RAPGEF4: variants seen among roughly 807,000 people sequenced by gnomAD.
The protein encoded by RAPGEF4 is Rap guanine nucleotide exchange factor 4.
A neutral mutation model predicts 147.9 loss-of-function variants in RAPGEF4; 66 were observed. The ratio of observed to expected loss-of-function variants is 0.45; its 90% CI spans 0.37 to 0.55. The LOEUF (loss-of-function observed/expected upper bound fraction) is 0.55, where lower values mean the gene tolerates loss of function less well. RAPGEF4 is among the 20% of genes least tolerant of loss of function. The pLI is 0.00. For synonymous variants in RAPGEF4, 419 were observed against 442.7 expected, an observed-to-expected ratio of 0.95 and a Z score of 0.67; for missense variants, 1,071 against 1,257.3, an observed-to-expected ratio of 0.85 and a Z score of 2.24.
chr2:172,821,575 A>G (rs895752570), intron 4 of RAPGEF4: 2 of 989,028 alleles, frequency 2.0e-6, no homozygotes, highest in African/African-American at 3.5e-5. Flanking sequence ...CTCTCTCCTC[A>G]CAGTTCTGAT....
intron 3 of RAPGEF4, among the ~76,000 whole-genome samples, chr2:172,813,659 A>C (rs1038091534): frequency 1.3e-5 from 2 of 152,038 alleles, no homozygotes; most frequent in Admixed American, 1.3e-4. Context: ...TTCTTATTTA[A>C]ATATTGTAAC....
intron 4 of RAPGEF4, among the ~76,000 whole-genome samples, chr2:172,908,371 G>A (rs1360576309): frequency 2.0e-5 from 3 of 152,194 alleles, no homozygotes; most frequent in Admixed American, 6.5e-5. Context: ...TGCACACCTC[G>A]GTTGTGAAGG....
At chr2:172,742,383 T>G (rs755981652) in intron 1 of RAPGEF4, among the ~76,000 whole-genome samples, 1 of 152,200 alleles carries the variant, frequency 6.6e-6, no homozygotes, top group Non-Finnish European at 1.5e-5. Context: ...TGTTGTTGTT[T>G]TTTTCAGTCT....
intron 10 of RAPGEF4, among the ~76,000 whole-genome samples, chr2:172,981,451 C>G (rs1691675933): frequency 1.3e-5 from 2 of 152,212 alleles, no homozygotes; most frequent in African/African-American, 2.4e-5. Flanking sequence ...TTTAGAGCCC[C>G]TGTGGCCACA....
intron 26 of RAPGEF4, among the ~76,000 whole-genome samples, chr2:173,033,231 G>A (rs181558790): frequency 6.6e-6 from 1 of 152,258 alleles, no homozygotes; most frequent in East Asian, 1.9e-4. Context: ...AAAGCATGGC[G>A]CATGTGAGAG....
chr2:173,001,991 G>A, intron 17 of RAPGEF4, among the ~76,000 whole-genome samples: 1 of 11,674 alleles, frequency 8.6e-5, no homozygotes, highest in African/African-American at 1.4e-4. Flanking sequence ...AGGTGATGCT[G>A]GCAAAAAAAA....
Position 172,735,960 on chromosome 2 carries a change from G to T in RAPGEF4, c.-24G>T. On this transcript the variant is annotated 5_prime_UTR_variant, in exon 1 of 31. Transcript: ENST00000397081. ...GAGCGCGGGAGGTCGCCGCAGCCAG[G>T]GACACCGCGCGCCGCCGCTCAACAT... The T allele has an allele frequency of 6.9e-7, 1 of 1,452,028 alleles. No homozygotes were observed. The allele number at this position is 1,452,028 out of a possible 1,614,324, so 89.9% of individuals were successfully genotyped here.
intron 22 of RAPGEF4, among the ~76,000 whole-genome samples, chr2:173,019,143 A>C (rs1695793501): frequency 6.6e-6 from 1 of 152,216 alleles, no homozygotes; most frequent in African/African-American, 2.4e-5. Context: ...CTAGCTGGAC[A>C]AGCTCAAGGC....
chr2:173,009,968 A>ATGC lies in RAPGEF4; in HGVS notation c.1659-4496_1659-4495insTGC, dbSNP rs1694852918. 2.6e-5 allele frequency among the ~76,000 whole-genome samples: 4 copies of ATGC among 152,352 alleles called. No individual in the cohort carries two copies. The South Asian group carries it at 8.3e-4, about 32-fold the overall frequency. ...TAATCTATGTTTGCATAAAGAAAGTAATGTTAACATCAGACAAAACACAAC... is the reference window on the plus strand; with the variant it reads ...TAATCTATGTTTGCATAAAGAAAGTATGCATGTTAACATCAGACAAAACACAAC... On this transcript the variant is annotated intron_variant, in intron 17 of 30. Coordinates refer to ENST00000397081, the MANE Select transcript of RAPGEF4 (RefSeq NM_007023.4).
chr2:172,936,018 A>G (rs1203193873), intron 6 of RAPGEF4, among the ~76,000 whole-genome samples: 1 of 152,190 alleles, frequency 6.6e-6, no homozygotes, highest in Admixed American at 6.5e-5. Flanking sequence ...GGTGGATTTT[A>G]AAAAATAATG....
rs575897964 is a variant in RAPGEF4, at chr2:172,759,906, G to A, written c.65+23858G>A. Among the ~76,000 whole-genome samples, 5 of 152,258 alleles carry A rather than the reference G, an allele frequency of 3.3e-5. No homozygotes were observed. In the South Asian group the frequency reaches 1.0e-3, roughly 32 times the overall value. ...AACAAACAAAGAAAGACTCTAAAAG[G>A]CAGAGAGAAAAGGCAGACTGGCTTG... On this transcript the variant is annotated intron_variant, in intron 1 of 30. Coordinates refer to ENST00000397081, the MANE Select transcript of RAPGEF4 (RefSeq NM_007023.4).
chr2:172,893,694 C>T (rs1298034821), intron 4 of RAPGEF4: 1 of 152,144 alleles, frequency 6.6e-6, no homozygotes, highest in Non-Finnish European at 1.5e-5. Flanking sequence ...CTTTCTTTGT[C>T]TTCTTTAGAA....
chr2:173,004,704 A>G (rs1427882532), intron 17 of RAPGEF4, among the ~76,000 whole-genome samples: 1 of 152,084 alleles, frequency 6.6e-6, no homozygotes, highest in Non-Finnish European at 1.5e-5. Flanking sequence ...TAATTACCAC[A>G]AAAGGAGAAG....
intron 5 of RAPGEF4, among the ~76,000 whole-genome samples, chr2:172,921,567 C>A (rs948986087): frequency 1.3e-5 from 2 of 152,212 alleles, no homozygotes; most frequent in African/African-American, 4.8e-5. Flanking sequence ...ATGCTTCTGT[C>A]TCCTCTGTAT....
rs1449717760 is a variant in RAPGEF4, at chr2:173,014,584, A to G, written c.1779A>G (p.Gln593=). The G allele has an allele frequency of 1.2e-6, 2 of 1,614,044 alleles. No homozygotes were observed. The highest frequency in any genetic ancestry group is 1.7e-6 in the Non-Finnish European group (2 of 1,179,938). ...CTGCCATGTATGGAGACCTCCTGCA[A>G]GAGGATGACGTGTCTATGGCCTTCC... The part of the protein sequence containing the change: ...QWAAMYGDLL[Q]EDDVSMAFLE... Residue 593 remains glutamine (Q), a synonymous_variant, in exon 18 of 31, where the codon CAA becomes CAG. Transcript: ENST00000397081.
rs1442110747 is a variant in RAPGEF4, at chr2:173,017,462, G to A, written c.1966G>A (p.Glu656Lys). 1.2e-6 allele frequency: 2 copies of A among 1,614,164 alleles called. No individual in the cohort carries two copies. The highest frequency in any genetic ancestry group is 1.1e-5 in the South Asian group (1 of 91,080). The change falls in exon 21 of 31, where the codon GAG (glutamate) becomes AAG (lysine). Residue 656 changes from glutamate (E) to lysine (K), a missense_variant. By Grantham distance (56) the Glu-to-Lys change is moderately conservative. Coordinates refer to ENST00000397081, the MANE Select transcript of RAPGEF4 (RefSeq NM_007023.4). ...VLLQQFNTGD[E>K]RAQKRQPIRG... ...TTTGCAACAGTTCAATACGGGCGAT[G>A]AGAGAGCCCAGAAGCGCCAGCCTAT... is the stretch of plus-strand genomic sequence containing the variant.
chr2:173,026,504 G>T (rs1696677264), intron 23 of RAPGEF4, 68 bp from the exon 24 acceptor site: 2 of 1,508,336 alleles, frequency 1.3e-6, no homozygotes, highest in Non-Finnish European at 1.8e-6. Flanking sequence ...AGAAACTCCT[G>T]AAAGCTTTTA....
chr2:172,758,590 G>T (rs72902250), intron 1 of RAPGEF4, among the ~76,000 whole-genome samples: 15,808 of 152,188 alleles, frequency 0.1, 853 homozygotes, highest in Middle Eastern at 0.15. Context: ...GAAGCAGTAG[G>T]ATACATTTTG....
intron 16 of RAPGEF4, among the ~76,000 whole-genome samples, chr2:172,998,621 A>G (rs1039605959): frequency 6.6e-6 from 1 of 152,234 alleles, no homozygotes; most frequent in Non-Finnish European, 1.5e-5. Context: ...CAAGAAGAAC[A>G]TGATAAGAAC....
Sources: allele counts gnomAD v4.1 joint callset (sites outside exome capture counted in the v4.1 genomes callset), GRCh38; gene constraint gnomAD v4.1.1; transcripts MANE v1.5; gene names NCBI Gene and HGNC (gene_info 2026-07-23, HGNC 2026-07-21).